Variants in DNAJA3 observed in about 807,000 individuals in gnomAD.
The protein encoded by DNAJA3 is dnaJ homolog subfamily A member 3, mitochondrial.
In DNAJA3, 29 loss-of-function variants were observed where a neutral mutation model predicts 54.9. That is an observed-to-expected ratio of 0.53 (90% CI 0.39 to 0.72). The LOEUF is 0.72. DNAJA3 is among the 30% of genes least tolerant of loss of function. DNAJA3 has a pLI of 0.00. For synonymous variants in DNAJA3, 302 were observed against 251.4 expected, an observed-to-expected ratio of 1.20 and a Z score of -1.90; for missense variants, 708 against 639.4, an observed-to-expected ratio of 1.11 and a Z score of -1.16.
chr16:4,449,246 T>C (rs1250461267), intron 9 of DNAJA3, among the ~76,000 whole-genome samples: 1 of 152,220 alleles, frequency 6.6e-6, no homozygotes, highest in Non-Finnish European at 1.5e-5. Context: ...TCCACCCACC[T>C]TGGCCTCCCA....
intron 7 of DNAJA3, among the ~76,000 whole-genome samples, chr16:4,446,303 G>A (rs1184390960): frequency 1.3e-5 from 2 of 150,232 alleles, no homozygotes; most frequent in Non-Finnish European, 3.0e-5. Context: ...GAGTGCAGTG[G>A]TGTGATCTCT....
In DNAJA3 at chr16:4,425,922, T is replaced by A; in HGVS notation, c.41T>A (p.Val14Glu). The change falls in exon 1 of 12, where the codon GTG becomes GAG. Residue 14 changes from valine (V) to glutamate (E), a missense_variant. Val to Glu is a moderately radical substitution (Grantham distance 121). Transcript: ENST00000262375. The part of the protein sequence containing the change: ...RCSTRWLLVV[V>E]GTPRLPAISG... Reference sequence around the variant, plus strand: ...TCCACACGCTGGTTGCTGGTGGTTGTGGGGACCCCGCGGCTGCCGGCTATA... The same window carrying A: ...TCCACACGCTGGTTGCTGGTGGTTGAGGGGACCCCGCGGCTGCCGGCTATA... 1 of 1,549,778 alleles carries A rather than the reference T, an allele frequency of 6.5e-7. No homozygotes were observed. The highest frequency in any genetic ancestry group is 8.7e-7 in the Non-Finnish European group (1 of 1,148,598).
At chr16:4,449,653 G>A (rs1281691296) in intron 9 of DNAJA3, 1 of 152,386 alleles carries the variant, frequency 6.6e-6, no homozygotes, top group Non-Finnish European at 1.5e-5. Flanking sequence ...GGGATTACAG[G>A]TGTGAGCCAG....
rs57814611 is a variant in DNAJA3 at position 4,451,752 on chromosome 16, G to GAA, written c.1339+1279_1339+1280dup. Among the ~76,000 whole-genome samples the GAA allele has an allele frequency of 1.3e-3, 55 of 41,824 alleles. 1 individual carries two copies. The highest frequency in any genetic ancestry group is 3.9e-3 in the African/African-American group (33 of 8,452). 27.4% of individuals were successfully genotyped at this position (41,824 alleles called of 152,430 possible). On this transcript the variant is annotated intron_variant, in intron 10 of 11. Transcript: ENST00000262375. ...AGCTTGGGTGACAGTGAGACTCTCT[G>GAA]AAAAAAAAAAAAAAAAAAAAAAAAA...
chr16:4,446,985 C>T lies in DNAJA3; in HGVS notation c.1096C>T (p.Gln366Ter). The T allele has an allele frequency of 6.2e-7, 1 of 1,614,138 alleles. No individual in the cohort carries two copies. The highest frequency in any genetic ancestry group is 8.5e-7 in the Non-Finnish European group (1 of 1,180,014). The change falls in exon 8 of 12, where the codon CAG becomes TAG. Residue 366 changes from glutamine (Q) to a stop codon, truncating the protein, a stop_gained. Transcript: ENST00000262375. LOFTEE classifies it high-confidence loss of function. Reference sequence around the variant, plus strand: ...TCTTCTTGGGGGTACAGCCAGAGCCCAGGGCCTGTACGAGACGATCAACGT... The same window carrying T: ...TCTTCTTGGGGGTACAGCCAGAGCCTAGGGCCTGTACGAGACGATCAACGT... ...QALLGGTARAQGLYETINVTI... is the reference protein window; with the variant it reads ...QALLGGTARA
chr16:4,450,476 G>T lies in DNAJA3; in HGVS notation c.1318G>T (p.Gly440Cys), dbSNP rs541525393. 32 of 1,610,362 alleles carry T rather than the reference G, an allele frequency of 2.0e-5. No homozygotes were observed. The highest frequency in any genetic ancestry group is 3.4e-5 in the Admixed American group (2 of 59,540). The change falls in exon 10 of 12, where the codon GGC becomes TGC. Residue 440 changes from glycine (G) to cysteine (C), a missense_variant. Gly to Cys is a radical substitution (Grantham distance 159). Transcript: ENST00000262375. ...DETDVEGTVNGVTLTSSGGST... is the reference protein window; with the variant it reads ...DETDVEGTVNCVTLTSSGGST... ...GACAGATGTGGAGGGGACGGTGAAC[G>T]GCGTCACCCTCACCAGCTCTGGTAA... is the stretch of plus-strand genomic sequence containing the variant.
chr16:4,449,371 T>C (rs2056949071), intron 9 of DNAJA3, among the ~76,000 whole-genome samples: 4 of 152,016 alleles, frequency 2.6e-5, no homozygotes, highest in Admixed American at 2.6e-4. Context: ...GCTGCTGCTA[T>C]TGTTGATTTT....
At chr16:4,450,639 G>T (rs2056966960) in intron 10 of DNAJA3, 142 bp downstream of exon 10, 2 of 643,170 alleles carry the variant, frequency 3.1e-6, no homozygotes. Flanking sequence ...GAGGGGGGCT[G>T]TGGGCGGGGA....
chr16:4,451,572 C>G (rs2056977824), intron 10 of DNAJA3, among the ~76,000 whole-genome samples: 2 of 151,752 alleles, frequency 1.3e-5, no homozygotes, highest in African/African-American at 4.8e-5. Context: ...GCCTGGACAG[C>G]ATGGCGAAAC....
intron 1 of DNAJA3, among the ~76,000 whole-genome samples, chr16:4,429,328 A>G (rs2056664545): frequency 6.6e-6 from 1 of 151,730 alleles, no homozygotes; most frequent in Non-Finnish European, 1.5e-5. Flanking sequence ...GGTTCAAGTG[A>G]TCCTCTTGCC....
At chr16:4,430,164 A>G (rs1027894978) in intron 1 of DNAJA3, among the ~76,000 whole-genome samples, 1 of 151,960 alleles carries the variant, frequency 6.6e-6, no homozygotes, top group Non-Finnish European at 1.5e-5. Flanking sequence ...AAATTTTGAA[A>G]AGGTCATTAA....
At chr16:4,431,278 G>A (rs550001101) in intron 1 of DNAJA3, among the ~76,000 whole-genome samples, 1 of 152,270 alleles carries the variant, frequency 6.6e-6, no homozygotes, top group African/African-American at 2.4e-5. Flanking sequence ...ATAAAAAGAG[G>A]GTTGAGTACA....
At chr16:4,442,886 A>C in intron 5 of DNAJA3, 131 bp from the exon 6 acceptor site, 1 of 971,844 alleles carries the variant, frequency 1.0e-6, no homozygotes, top group Non-Finnish European at 1.5e-6. Context: ...GTTCCTAGGC[A>C]GTGTGTTTGA....
chr16:4,454,775 C>T, intron 10 of DNAJA3, 36 bp from the exon 11 acceptor site: 3 of 1,507,362 alleles, frequency 2.0e-6, no homozygotes, highest in Non-Finnish European at 2.8e-6. Flanking sequence ...GAAGTGCAGG[C>T]CCATGACGCC....
intron 8 of DNAJA3, 68 bp from the exon 9 acceptor site, chr16:4,448,665 A>C: frequency 9.5e-7 from 1 of 1,056,178 alleles, no homozygotes. Flanking sequence ...GATTGTCTTC[A>C]TGTAGTGAAA....
At chr16:4,435,380 TA>T (rs2056761349) in intron 2 of DNAJA3, among the ~76,000 whole-genome samples, 2 of 152,292 alleles carry the variant, frequency 1.3e-5, no homozygotes, top group South Asian at 4.1e-4. Context: ...GACAGCTTTT[TA>T]TAAGTGCACA....
chr16:4,434,985 C>T (rs1435942991), intron 2 of DNAJA3, among the ~76,000 whole-genome samples: 1 of 148,554 alleles, frequency 6.7e-6, no homozygotes, highest in Non-Finnish European at 1.5e-5. Context: ...CAACCTCTGC[C>T]TCCTGGGTTC....
At chr16:4,438,624 G>T (rs1162475256) in intron 3 of DNAJA3, among the ~76,000 whole-genome samples, 3 of 142,970 alleles carry the variant, frequency 2.1e-5, no homozygotes, top group African/African-American at 5.1e-5. Flanking sequence ...CAGATTTTTT[G>T]ACAATCTTTT....
intron 4 of DNAJA3, 85 bp from the exon 5 acceptor site, chr16:4,442,183 C>A: frequency 1.4e-6 from 2 of 1,405,314 alleles, no homozygotes; most frequent in Non-Finnish European, 1.9e-6. Context: ...AAATGTGGGC[C>A]AGTACCCTCC....
Sources: allele counts gnomAD v4.1 joint callset (sites outside exome capture counted in the v4.1 genomes callset), GRCh38; gene constraint gnomAD v4.1.1; transcripts MANE v1.5; gene names NCBI Gene and HGNC (gene_info 2026-07-23, HGNC 2026-07-21).